Variants in AMZ2 observed in about 807,000 individuals in gnomAD.
AMZ2 encodes the protein archaemetzincin-2.
In AMZ2, 26 loss-of-function variants were observed where a neutral mutation model predicts 36.7. The ratio of observed to expected loss-of-function variants is 0.71; its 90% CI spans 0.52 to 0.98. The LOEUF (loss-of-function observed/expected upper bound fraction) is 0.98, where lower values mean the gene tolerates loss of function less well. AMZ2 is among the 50% of genes least tolerant of loss of function. The pLI is 0.00. For missense variants in AMZ2, 394 were observed against 430.5 expected, an observed-to-expected ratio of 0.92 and a Z score of 0.75; for synonymous variants, 144 against 149.1, an observed-to-expected ratio of 0.97 and a Z score of 0.25.
intron 1 of AMZ2, among the ~76,000 whole-genome samples, chr17:68,227,177 C>G (rs1162111848): frequency 1.3e-5 from 2 of 152,176 alleles, no homozygotes; most frequent in Non-Finnish European, 2.9e-5. Flanking sequence ...ACACCCATCT[C>G]AGCGAGAGTC....
chr17:68,248,918 G>A (rs1313011830), intron 1 of AMZ2: 4 of 642,298 alleles, frequency 6.2e-6, no homozygotes, highest in African/African-American at 1.9e-5. Flanking sequence ...CCCATCAATC[G>A]TCTATCATTA....
chr17:68,234,470 T>A (rs1412156220), intron 1 of AMZ2, among the ~76,000 whole-genome samples: 1 of 151,170 alleles, frequency 6.6e-6, no homozygotes, highest in Non-Finnish European at 1.5e-5. Context: ...TAAAAACATG[T>A]ATCTTATTGG....
chr17:68,247,572 A>G, upstream of AMZ2: 3 of 953,666 alleles, frequency 3.1e-6, no homozygotes, highest in Non-Finnish European at 3.7e-6. Flanking sequence ...GCGGCCCCCA[A>G]CAAATAAAGA....
intron 1 of AMZ2, among the ~76,000 whole-genome samples, chr17:68,230,293 C>G (rs558939567): frequency 3.2e-4 from 49 of 152,272 alleles, no homozygotes; most frequent in African/African-American, 1.1e-3. Flanking sequence ...AGGCTGGTCT[C>G]GAACTCCTGA....
At position 68,256,816 on chromosome 17, in the gene AMZ2, A is replaced by G; in HGVS notation, c.930A>G (p.Ala310=). 1.2e-6 allele frequency: 2 copies of G among 1,610,194 alleles called. No individual in the cohort carries two copies. Among genetic ancestry groups the G allele is most frequent in the Non-Finnish European group, 1.7e-6 (2 of 1,178,494 alleles). Residue 310 remains alanine, a splice_region_variant and synonymous_variant, in exon 7 of 7, where the codon GCA becomes GCG. Coordinates refer to ENST00000359904, the MANE Select transcript of AMZ2 (RefSeq NM_016627.5). The part of the protein sequence containing the change: ...VGFSIVERYK[A]LVRWIDDESS... ...GCGCATCTTTCATGTTTTTCCAGGC[A>G]CTGGTGAGGTGGATTGATGATGAAT...
Position 68,256,884 on chromosome 17 carries a change from A to G in AMZ2, c.998A>G (p.Asp333Gly). The G allele has an allele frequency of 6.2e-7, 1 of 1,614,216 alleles. No homozygotes were observed. Among genetic ancestry groups the G allele is most frequent in the Non-Finnish European group, 8.5e-7 (1 of 1,180,032 alleles). ...PGATPEHSHE[D>G]NGNLPKPVEA... is the part of the protein sequence containing the mutation. ...GCAACTCCAGAACACAGTCACGAGGATAATGGGAATTTACCGAAACCCGTG... is the reference window on the plus strand; with the variant it reads ...GCAACTCCAGAACACAGTCACGAGGGTAATGGGAATTTACCGAAACCCGTG... Residue 333 changes from aspartate to glycine, a missense_variant, in exon 7 of 7, where the codon GAT (aspartate) becomes GGT (glycine). Transcript: ENST00000359904.
intron 1 of AMZ2, 122 bp downstream of exon 1, chr17:68,248,827 A>G: frequency 4.2e-6 from 4 of 950,340 alleles, no homozygotes; most frequent in Non-Finnish European, 5.1e-6. Context: ...GAGTACAGAG[A>G]CATTTGGTCT....
At chr17:68,247,840 C>T, upstream of AMZ2, 2 of 985,526 alleles carry the variant, frequency 2.0e-6, no homozygotes, top group Non-Finnish European at 1.2e-6. Flanking sequence ...ACAGCTGGGG[C>T]TTGTAGTCCC....
At position 68,251,141 on chromosome 17, in the gene AMZ2, G is replaced by C. The variant is rs782776067; in HGVS notation, c.549G>C (p.Ser183=). 4 of 1,613,778 alleles carry C rather than the reference G, an allele frequency of 2.5e-6. No individual in the cohort carries two copies. The East Asian group carries it at 8.9e-5, about 36-fold the overall frequency. ...TGATTGATCTTTACCCAAGAGACTCGTGGAATTTTGTCTTTGGACAGGCCT... is the reference window on the plus strand; with the variant it reads ...TGATTGATCTTTACCCAAGAGACTCCTGGAATTTTGTCTTTGGACAGGCCT... The part of the protein sequence containing the change: ...ITMIDLYPRD[S]WNFVFGQASL... Residue 183 remains serine (S), a synonymous_variant, in exon 4 of 7, where the codon TCG becomes TCC. Transcript: ENST00000359904.
At chr17:68,248,801 C>T in intron 1 of AMZ2, 96 bp downstream of exon 1, 2 of 979,736 alleles carry the variant, frequency 2.0e-6, no homozygotes, top group Non-Finnish European at 2.4e-6. Context: ...TGAGCCTATG[C>T]TTATATCAGA....
chr17:68,215,101 T>C (rs1270529206), intron 1 of AMZ2, among the ~76,000 whole-genome samples: 2 of 152,230 alleles, frequency 1.3e-5, no homozygotes, highest in East Asian at 1.9e-4. Context: ...ATTTCTTTAG[T>C]ATGGTTTTAA....
rs545395419 is a variant in AMZ2, at chr17:68,222,516, C to T, written c.-67+16278C>T. 4.6e-5 allele frequency among the ~76,000 whole-genome samples: 7 copies of T among 152,268 alleles called. No individual in the cohort carries two copies. The South Asian group carries it at 1.2e-3, about 27-fold the overall frequency. ...ATTACATTTATTTCTGTTATTATTA[C>T]ATTGTAATATATAATGAAATATATA... On this transcript the variant is annotated intron_variant, in intron 1 of 7. Coordinates refer to the AMZ2 transcript ENST00000674770.
chr17:68,236,535 C>T (rs1356625216), intron 1 of AMZ2, among the ~76,000 whole-genome samples: 1 of 149,450 alleles, frequency 6.7e-6, no homozygotes, highest in Non-Finnish European at 1.5e-5. Flanking sequence ...AAAAGCCCTC[C>T]TTCTAACATT....
rs1463274501 is a variant in AMZ2, at chr17:68,235,912, C to T, written c.-66-12728C>T. 6.6e-6 allele frequency among the ~76,000 whole-genome samples: 1 copy of T among 152,132 alleles called. No individual in the cohort carries two copies. The highest frequency in any genetic ancestry group is 2.4e-5 in the African/African-American group (1 of 41,430). ...TGGCACAATCTTGGCTCACTGCAAC[C>T]TCCATCTCCCGGGCTCAAGCGATTC... On this transcript the variant is annotated intron_variant, in intron 1 of 7. Coordinates refer to the AMZ2 transcript ENST00000674770. This position sits in a 1 kb window ranked among gnomAD's most constrained non-coding sequence, Gnocchi z 4.2.
intron 1 of AMZ2, among the ~76,000 whole-genome samples, chr17:68,209,647 T>TTA (rs2072979754): frequency 7.3e-6 from 1 of 137,272 alleles, no homozygotes; most frequent in Non-Finnish European, 1.6e-5. Flanking sequence ...TTTTTTTTTT[T>TTA]ATACAGAGTC....
intron 1 of AMZ2, among the ~76,000 whole-genome samples, chr17:68,222,500 A>G (rs1371122275): frequency 1.2e-4 from 19 of 152,164 alleles, no homozygotes; most frequent in African/African-American, 4.6e-4. Context: ...TATTACATTT[A>G]TTTCTGTTAT....
rs375206068 is a variant in AMZ2, at chr17:68,249,006, A to G, written c.-1+301A>G. ...GATGTTCAACTTTTTCCTTAATTCA[A>G]AAAGCCTCGTGGTGGAACATCGGAC... is the stretch of plus-strand genomic sequence containing the variant. On this transcript the variant is annotated intron_variant, in intron 1 of 6. Coordinates refer to ENST00000359904, the MANE Select transcript of AMZ2 (RefSeq NM_016627.5). 42 of 1,077,028 alleles carry G rather than the reference A, an allele frequency of 3.9e-5. No homozygotes were observed. In the Admixed American group the frequency reaches 5.1e-4, roughly 13 times the overall value. The allele number at this position is 1,077,028 out of a possible 1,614,324, so 66.7% of individuals were successfully genotyped here.
intron 6 of AMZ2, 52 bp from the exon 7 acceptor site, chr17:68,256,762 G>A: frequency 1.9e-6 from 3 of 1,581,178 alleles, no homozygotes; most frequent in Non-Finnish European, 2.6e-6. Flanking sequence ...TCTCTTGCCT[G>A]ATGGTATTTT....
intron 1 of AMZ2, among the ~76,000 whole-genome samples, chr17:68,222,817 C>T (rs1364045880): frequency 2.0e-5 from 3 of 152,322 alleles, no homozygotes; most frequent in East Asian, 3.9e-4. Context: ...TCAGAGGAAG[C>T]TTTCCTCATT....
Sources: allele counts gnomAD v4.1 joint callset (sites outside exome capture counted in the v4.1 genomes callset), GRCh38; gene constraint gnomAD v4.1.1; non-coding constraint Gnocchi (gnomAD v3.1); transcripts MANE v1.5; gene names NCBI Gene and HGNC (gene_info 2026-07-23, HGNC 2026-07-21).